Variants in PTPRG observed in about 807,000 individuals in gnomAD.
PTPRG encodes the protein protein tyrosine phosphatase receptor type G, also known as receptor-type tyrosine-protein phosphatase gamma.
In PTPRG, 102 loss-of-function variants were observed where a neutral mutation model predicts 165.3. The observed-to-expected ratio is 0.62, with a 90% confidence interval of 0.53 to 0.73. PTPRG has a LOEUF of 0.73. Among genes scored for constraint, PTPRG ranks in the 30% least tolerant of loss-of-function variants. PTPRG has a pLI of 0.00. For synonymous variants in PTPRG, 675 were observed against 669.5 expected (o/e 1.01, Z -0.13); for missense variants, 1,866 against 1,861.4 (o/e 1.00, Z -0.05).
At chr3:61,841,578 C>T (rs1308122486) in intron 2 of PTPRG, among the ~76,000 whole-genome samples, 1 of 151,822 alleles carries the variant, frequency 6.6e-6, no homozygotes, top group Non-Finnish European at 1.5e-5. Context: ...AGCCCTCGTC[C>T]ACCACCACCC....
chr3:62,175,140 T>A (rs926735027), intron 8 of PTPRG, among the ~76,000 whole-genome samples: 1 of 152,216 alleles, frequency 6.6e-6, no homozygotes, highest in Admixed American at 6.5e-5. Context: ...TATGAGTTGG[T>A]GTTAAGTTGC....
chr3:62,234,012 G>T (rs1461148545), intron 14 of PTPRG, among the ~76,000 whole-genome samples: 1 of 152,110 alleles, frequency 6.6e-6, no homozygotes, highest in African/African-American at 2.4e-5. Context: ...CTAGTTTGTT[G>T]TCTATTCTTC....
At chr3:61,661,423 CCGTTTTTATGCT>C (rs1361355815) in intron 1 of PTPRG, among the ~76,000 whole-genome samples, 1 of 151,738 alleles carries the variant, frequency 6.6e-6, no homozygotes, top group African/African-American at 2.4e-5. Flanking sequence ...GTCTATATGC[CCGTTTTTATGCT>C]GCGTATATCT....
intron 1 of PTPRG, among the ~76,000 whole-genome samples, chr3:61,627,625 C>A (rs1250359325): frequency 6.6e-6 from 1 of 152,022 alleles, no homozygotes; most frequent in East Asian, 1.9e-4. Context: ...GACCCATTTT[C>A]CTTTATTTGA....
chr3:62,139,016 C>T (rs2106945228), intron 6 of PTPRG, among the ~76,000 whole-genome samples: 1 of 152,300 alleles, frequency 6.6e-6, no homozygotes, highest in Admixed American at 6.5e-5. Flanking sequence ...GGAAACTTGC[C>T]TGTGGTGATT....
chr3:61,711,893 CTTTTTT>C (rs34377397), intron 1 of PTPRG, among the ~76,000 whole-genome samples: 7 of 136,036 alleles, frequency 5.1e-5, no homozygotes, highest in Admixed American at 2.3e-4. Context: ...TTATTATAGT[CTTTTTT>C]TTTTTTTTTT....
chr3:61,872,944 C>T (rs1200874240), intron 2 of PTPRG, among the ~76,000 whole-genome samples: 1 of 152,112 alleles, frequency 6.6e-6, no homozygotes, highest in Non-Finnish European at 1.5e-5. Flanking sequence ...TGAGATCCAT[C>T]TAGAAAAAAA....
intron 2 of PTPRG, among the ~76,000 whole-genome samples, chr3:61,929,601 G>C (rs1004614109): frequency 6.6e-6 from 1 of 152,200 alleles, no homozygotes; most frequent in African/African-American, 2.4e-5. Context: ...AAGAAGTGAT[G>C]AATTAAATTG....
At chr3:61,915,500 A>G (rs949348835) in intron 2 of PTPRG, among the ~76,000 whole-genome samples, 7 of 152,150 alleles carry the variant, frequency 4.6e-5, no homozygotes, top group Non-Finnish European at 1.5e-5. Flanking sequence ...AGAGGAAGGC[A>G]TTGTTGTTCT....
intron 5 of PTPRG, among the ~76,000 whole-genome samples, chr3:62,087,927 T>C (rs1315644817): frequency 6.6e-6 from 1 of 152,230 alleles, no homozygotes; most frequent in African/African-American, 2.4e-5. Context: ...TCTGTAATTA[T>C]TTTATAGATT....
At chr3:62,100,942 T>C (rs1192546279) in intron 5 of PTPRG, among the ~76,000 whole-genome samples, 1 of 152,226 alleles carries the variant, frequency 6.6e-6, no homozygotes, top group Non-Finnish European at 1.5e-5. Context: ...TCTTCTTTTA[T>C]ATGTAATATT....
At chr3:61,908,290 G>A (rs2038710098) in intron 2 of PTPRG, among the ~76,000 whole-genome samples, 1 of 151,600 alleles carries the variant, frequency 6.6e-6, no homozygotes, top group South Asian at 2.1e-4. Flanking sequence ...GCCAGGCATG[G>A]TGGCGCATGC....
At chr3:61,817,095 T>C (rs1398171178) in intron 2 of PTPRG, among the ~76,000 whole-genome samples, 1 of 131,380 alleles carries the variant, frequency 7.6e-6, no homozygotes, top group Non-Finnish European at 1.6e-5. Flanking sequence ...ATATATTACA[T>C]ATTATTACAT....
In PTPRG at chr3:61,742,403, ATTTTT is replaced by A. The variant is rs34010935; in HGVS notation, c.86-6459_86-6455del. 3.5e-3 allele frequency: 2,564 copies of A among 734,364 alleles called. 27 individuals carry two copies. In the African/African-American group the frequency reaches 0.041, roughly 12 times the overall value. 45.5% of individuals were successfully genotyped at this position (734,364 alleles called of 1,614,324 possible). On this transcript the variant is annotated intron_variant, in intron 1 of 29. Coordinates refer to ENST00000474889, the MANE Select transcript of PTPRG (RefSeq NM_002841.4). The stretch of plus-strand genomic sequence containing the variant: ...AAGAAATTGGGCCTTTGGGTCTGGA[ATTTTT>A]TTTTTTTTTTTTTTTGAACTGGTAA...
chr3:61,662,159 T>G (rs1379345618), intron 1 of PTPRG, among the ~76,000 whole-genome samples: 1 of 152,230 alleles, frequency 6.6e-6, no homozygotes, highest in Non-Finnish European at 1.5e-5. Context: ...CCACAAAATC[T>G]TTTTTCAGAA....
chr3:61,729,539 A>G (rs1446371939), intron 1 of PTPRG, among the ~76,000 whole-genome samples: 2 of 152,230 alleles, frequency 1.3e-5, no homozygotes, highest in Admixed American at 6.5e-5. Context: ...CTCTGCTTTC[A>G]CAGACAAGGG....
chr3:62,281,746 C>G, intron 27 of PTPRG, 37 bp downstream of exon 27: 2 of 1,560,580 alleles, frequency 1.3e-6, no homozygotes, highest in Non-Finnish European at 1.7e-6. Flanking sequence ...ATAGCCATAC[C>G]TGGGCCCTGG....
intron 7 of PTPRG, 113 bp from the exon 8 acceptor site, chr3:62,167,858 C>G: frequency 1.8e-6 from 2 of 1,087,362 alleles, no homozygotes; most frequent in Non-Finnish European, 1.4e-6. Context: ...CACTTCCTAC[C>G]GTTTCATGCT....
intron 13 of PTPRG, among the ~76,000 whole-genome samples, chr3:62,223,417 GTGTA>G (rs1411167810): frequency 6.6e-6 from 1 of 152,148 alleles, no homozygotes; most frequent in Admixed American, 6.5e-5. Flanking sequence ...AACTTATTTT[GTGTA>G]TAAAGCACAG....
Sources: allele counts gnomAD v4.1 joint callset (sites outside exome capture counted in the v4.1 genomes callset), GRCh38; gene constraint gnomAD v4.1.1; transcripts MANE v1.5; gene names NCBI Gene and HGNC (gene_info 2026-07-23, HGNC 2026-07-21).